Variants in CDK14 observed in about 807,000 individuals in gnomAD.
CDK14 encodes cyclin dependent kinase 14, also known as cyclin-dependent kinase 14.
Under a neutral mutation model 60.7 loss-of-function variants are expected in CDK14, and 34 were observed. The observed-to-expected ratio is 0.56, with a 90% CI of 0.43 to 0.75. CDK14 has a LOEUF of 0.75. CDK14 is among the 30% of genes least tolerant of loss of function. The pLI is 0.00. For synonymous variants in CDK14, 197 were observed against 203.7 expected (o/e 0.97, Z 0.28); for missense variants, 482 against 564.1 (o/e 0.85, Z 1.47).
At chr7:90,859,124 G>A (rs543310615) in intron 5 of CDK14, among the ~76,000 whole-genome samples, 5 of 152,336 alleles carry the variant, frequency 3.3e-5, no homozygotes, top group African/African-American at 9.6e-5. Flanking sequence ...ACCATAGTTA[G>A]TGTCTACTTT....
intron 2 of CDK14, among the ~76,000 whole-genome samples, chr7:90,615,395 G>T (rs1286235221): frequency 6.6e-6 from 1 of 152,178 alleles, no homozygotes; most frequent in East Asian, 1.9e-4. Context: ...CATGTAAGAT[G>T]TCTATAAAGT....
At chr7:90,864,816 C>G (rs562499999) in intron 6 of CDK14, among the ~76,000 whole-genome samples, 1 of 152,088 alleles carries the variant, frequency 6.6e-6, no homozygotes, top group Non-Finnish European at 1.5e-5. Flanking sequence ...AATCACTTTT[C>G]TTTGTGTGAG....
At chr7:91,059,195 G>A (rs1232937743) in intron 11 of CDK14, among the ~76,000 whole-genome samples, 3 of 152,216 alleles carry the variant, frequency 2.0e-5, no homozygotes, top group African/African-American at 7.2e-5. Context: ...TTTACATAGA[G>A]GTGTTTGTAG....
chr7:91,151,920 A>G (rs548120884), intron 14 of CDK14, among the ~76,000 whole-genome samples: 110 of 152,382 alleles, frequency 7.2e-4, no homozygotes, highest in African/African-American at 2.6e-3. Context: ...AATTAAGGCC[A>G]ACATGAGATG....
At chr7:91,027,407 G>A (rs1227546004) in intron 10 of CDK14, among the ~76,000 whole-genome samples, 14 of 152,136 alleles carry the variant, frequency 9.2e-5, no homozygotes, top group Admixed American at 9.2e-4. Context: ...AGTGTTGTTA[G>A]GAGTGCCCCA....
chr7:90,980,886 A>C (rs1795209898), intron 9 of CDK14, among the ~76,000 whole-genome samples: 1 of 152,232 alleles, frequency 6.6e-6, no homozygotes. Flanking sequence ...TATTATGGAG[A>C]TGATATAGAC....
At position 90,899,335 on chromosome 7, in the gene CDK14, G is replaced by T; in HGVS notation, c.684G>T (p.Leu228=). ...CQYMDKHPGG[L]HPDNVKLFLF... ...ACATGGACAAGCACCCTGGGGGGCT[G>T]CATCCAGATAATGTGAAGGTAGGAA... Residue 228 remains leucine (L), a synonymous_variant, in exon 7 of 15, where the codon CTG becomes CTT. Coordinates refer to ENST00000380050, the MANE Select transcript of CDK14 (RefSeq NM_001287135.2). 1 of 1,601,494 alleles carries T rather than the reference G, an allele frequency of 6.2e-7. No homozygotes were observed. The highest frequency in any genetic ancestry group is 8.5e-7 in the Non-Finnish European group (1 of 1,174,686).
chr7:90,913,069 T>C (rs1792959288), intron 7 of CDK14, among the ~76,000 whole-genome samples: 1 of 152,220 alleles, frequency 6.6e-6, no homozygotes, highest in Non-Finnish European at 1.5e-5. Flanking sequence ...AGAATGTGTG[T>C]GGACCCCTCC....
chr7:91,147,985 C>T (rs1800710004), intron 14 of CDK14, among the ~76,000 whole-genome samples: 1 of 152,156 alleles, frequency 6.6e-6, no homozygotes, highest in South Asian at 2.1e-4. Flanking sequence ...TACATGTATA[C>T]ACACATATGC....
At position 90,862,434 on chromosome 7, in the gene CDK14, A is replaced by G. The variant is rs116651994; in HGVS notation, c.545-741A>G. Among the ~76,000 whole-genome samples, 804 of 152,288 alleles carry G rather than the reference A, an allele frequency of 5.3e-3. 5 individuals carry two copies. The highest frequency in any genetic ancestry group is 0.018 in the African/African-American group (758 of 41,556). On this transcript the variant is annotated intron_variant, in intron 5 of 14. Transcript: ENST00000380050. Reference sequence around the variant, plus strand: ...AGTAAAGAGGACATTACTTATTGATAAAACGGTCAATTCTCAAAGAAGACA... The same window carrying G: ...AGTAAAGAGGACATTACTTATTGATGAAACGGTCAATTCTCAAAGAAGACA...
At chr7:90,943,017 A>G (rs551673692) in intron 8 of CDK14, among the ~76,000 whole-genome samples, 34 of 152,056 alleles carry the variant, frequency 2.2e-4, no homozygotes, top group African/African-American at 8.0e-4. Context: ...GGACATACCT[A>G]TTTCTATGGC....
At chr7:91,150,259 C>T (rs185316213) in intron 14 of CDK14, among the ~76,000 whole-genome samples, 4 of 152,226 alleles carry the variant, frequency 2.6e-5, no homozygotes, top group Non-Finnish European at 5.9e-5. Context: ...TGGCTGTTTA[C>T]GGGGGACATT....
At chr7:90,908,424 A>C (rs903800824) in intron 7 of CDK14, among the ~76,000 whole-genome samples, 2 of 152,216 alleles carry the variant, frequency 1.3e-5, no homozygotes, top group African/African-American at 4.8e-5. Context: ...CCCAGATTGA[A>C]AAGGAATCAC....
At chr7:91,086,724 C>T (rs1434353022) in intron 12 of CDK14, among the ~76,000 whole-genome samples, 1 of 151,938 alleles carries the variant, frequency 6.6e-6, no homozygotes, top group Admixed American at 6.6e-5. Flanking sequence ...TTGAAAACTA[C>T]CACATTTTAC....
At chr7:90,740,243 A>ATG (rs747304481) in intron 3 of CDK14, among the ~76,000 whole-genome samples, 61 of 132,318 alleles carry the variant, frequency 4.6e-4, no homozygotes, top group Admixed American at 5.8e-4. Context: ...ATGTGTATGT[A>ATG]TGTGTGTGTG....
chr7:90,660,205 T>C (rs950554894), intron 2 of CDK14, among the ~76,000 whole-genome samples: 1 of 152,178 alleles, frequency 6.6e-6, no homozygotes, highest in Non-Finnish European at 1.5e-5. Context: ...GAGCATAGAT[T>C]GGAGCATCAC....
intron 10 of CDK14, among the ~76,000 whole-genome samples, chr7:91,034,381 G>C (rs989075902): frequency 6.6e-6 from 1 of 151,808 alleles, no homozygotes; most frequent in East Asian, 1.9e-4. Context: ...TTTTTAATCA[G>C]TATTTTAAAA....
chr7:90,680,110 T>C (rs1563042222), intron 2 of CDK14, among the ~76,000 whole-genome samples: 1 of 152,110 alleles, frequency 6.6e-6, no homozygotes, highest in East Asian at 1.9e-4. Context: ...TTTGTATGTA[T>C]ATCCCTGTAA....
In CDK14 at chr7:91,043,545, A is replaced by G. The variant is rs545572131; in HGVS notation, c.1042-2352A>G. On this transcript the variant is annotated intron_variant, in intron 10 of 14. Coordinates refer to ENST00000380050, the MANE Select transcript of CDK14 (RefSeq NM_001287135.2). ...TTGAAATAATGGTTGGAATTATTGA[A>G]AAGAAAGGGAGAAATGCCTTTTGCA... is the stretch of plus-strand genomic sequence containing the variant. 1.3e-4 allele frequency among the ~76,000 whole-genome samples: 20 copies of G among 152,340 alleles called. No individual in the cohort carries two copies. In the East Asian group the frequency reaches 3.7e-3, roughly 28 times the overall value.
Sources: allele counts gnomAD v4.1 joint callset (sites outside exome capture counted in the v4.1 genomes callset), GRCh38; gene constraint gnomAD v4.1.1; transcripts MANE v1.5; gene names NCBI Gene and HGNC (gene_info 2026-07-23, HGNC 2026-07-21).